Variants in DCP2 observed in about 807,000 individuals in gnomAD.
DCP2 encodes the protein decapping mRNA 2.
Under a neutral mutation model 56.1 loss-of-function variants are expected in DCP2, and 30 were observed. The ratio of observed to expected loss-of-function variants is 0.53; its 90% CI spans 0.40 to 0.73. The LOEUF (loss-of-function observed/expected upper bound fraction) is 0.73. DCP2 is among the 30% of genes least tolerant of loss of function. The pLI is 0.00. For synonymous variants in DCP2, 197 were observed against 163.3 expected, an observed-to-expected ratio of 1.21 and a Z score of -1.57; for missense variants, 533 against 502.7, an observed-to-expected ratio of 1.06 and a Z score of -0.58.
At chr5:113,006,530 C>T (rs557253303) in intron 8 of DCP2, among the ~76,000 whole-genome samples, 1 of 152,328 alleles carries the variant, frequency 6.6e-6, no homozygotes, top group South Asian at 2.1e-4. Flanking sequence ...ATACTTCCTT[C>T]ACATCACTTA....
At position 112,985,832 on chromosome 5, in the gene DCP2, C is replaced by T. The variant is rs1748257313; in HGVS notation, c.54-3C>T. 3 of 1,592,046 alleles carry T rather than the reference C, an allele frequency of 1.9e-6. No homozygotes were observed. The highest frequency in any genetic ancestry group is 2.7e-5 in the African/African-American group (2 of 74,594). The stretch of plus-strand genomic sequence containing the variant: ...ATTTTTGTATGTGTTTTGTTTTTGA[C>T]AGCCGATTTATTTTGCATATTCCCA... On this transcript the variant is annotated splice_region_variant and splice_polypyrimidine_tract_variant and intron_variant, in intron 1 of 10. Transcript: ENST00000389063.
chr5:113,009,648 T>TGAA (rs1276700232), intron 9 of DCP2, among the ~76,000 whole-genome samples: 1 of 144,846 alleles, frequency 6.9e-6, no homozygotes, highest in Non-Finnish European at 1.5e-5. Flanking sequence ...AAACAAATAT[T>TGAA]GAAGAAGATA....
At chr5:112,982,983 A>G (rs1748081621) in intron 1 of DCP2, among the ~76,000 whole-genome samples, 1 of 152,080 alleles carries the variant, frequency 6.6e-6, no homozygotes, top group Non-Finnish European at 1.5e-5. Flanking sequence ...AGGGTTTTTC[A>G]TTTTTTAAAA....
chr5:112,998,827 G>A (rs1033069891), intron 4 of DCP2, among the ~76,000 whole-genome samples: 5 of 152,208 alleles, frequency 3.3e-5, no homozygotes, highest in African/African-American at 1.2e-4. Flanking sequence ...GCTTCTGCAT[G>A]TATGTTTTAA....
chr5:112,977,407 C>T (rs898887262), intron 1 of DCP2, among the ~76,000 whole-genome samples: 1 of 152,170 alleles, frequency 6.6e-6, no homozygotes, highest in Non-Finnish European at 1.5e-5. Context: ...GGAAGACCCC[C>T]AGGGTAGTAA....
chr5:113,004,356 C>G (rs1349155113), intron 8 of DCP2, among the ~76,000 whole-genome samples: 2 of 152,104 alleles, frequency 1.3e-5, no homozygotes, highest in African/African-American at 4.8e-5. Flanking sequence ...AAATATTTTC[C>G]AAATTAACAC....
chr5:112,979,526 A>G lies in DCP2; in HGVS notation c.53+2540A>G, dbSNP rs563818355. On this transcript the variant is annotated intron_variant, in intron 1 of 10. Coordinates refer to ENST00000389063, the MANE Select transcript of DCP2 (RefSeq NM_152624.6). ...GAATTCAAGCTAGGTGCTTGTTTTT[A>G]CTCCCTTCATTTTTTGCCCCAATTC... Among the ~76,000 whole-genome samples the G allele has an allele frequency of 6.6e-5, 10 of 152,054 alleles. No individual in the cohort carries two copies. In the South Asian group the frequency reaches 1.9e-3, roughly 28 times the overall value.
intron 4 of DCP2, among the ~76,000 whole-genome samples, chr5:112,996,395 A>T (rs556105031): frequency 1.3e-5 from 2 of 152,278 alleles, no homozygotes; most frequent in Admixed American, 1.3e-4. Context: ...ACTTAGGCTG[A>T]TGTTTTGAGC....
chr5:113,006,967 G>A (rs922405457), intron 8 of DCP2, among the ~76,000 whole-genome samples: 2 of 151,930 alleles, frequency 1.3e-5, no homozygotes, highest in African/African-American at 4.8e-5. Flanking sequence ...AACCTTCACC[G>A]TCCCTATTAA....
chr5:113,004,823 T>TC (rs1749339109), intron 8 of DCP2, among the ~76,000 whole-genome samples: 1 of 151,856 alleles, frequency 6.6e-6, no homozygotes, highest in African/African-American at 2.4e-5. Flanking sequence ...TTTTTTTTTT[T>TC]ATTTTAAAAA....
chr5:113,002,176 A>G (rs1460442338), intron 7 of DCP2, among the ~76,000 whole-genome samples: 1 of 152,178 alleles, frequency 6.6e-6, no homozygotes, highest in East Asian at 1.9e-4. Context: ...TAATTCCAGC[A>G]CTTTGGGAGG....
intron 7 of DCP2, among the ~76,000 whole-genome samples, chr5:113,003,629 AT>A: frequency 6.6e-6 from 1 of 152,202 alleles, no homozygotes; most frequent in East Asian, 1.9e-4. Context: ...TATAGTCTGC[AT>A]ATTTTTTAAG....
rs1268515303 is a variant in DCP2, at chr5:112,992,240, C to T, written c.325C>T (p.Leu109Phe). ...TGGTGCAATTATTCTTGATGAGACACTTGAAAATGTGAGTGTAATGAAATA... is the reference window on the plus strand; with the variant it reads ...TGGTGCAATTATTCTTGATGAGACATTTGAAAATGTGAGTGTAATGAAATA... ...TYGAIILDET[L>F]ENVLLVQGYL... Residue 109 changes from leucine to phenylalanine, a missense_variant, in exon 3 of 11, where the codon CTT becomes TTT. Leu to Phe is a conservative substitution (Grantham distance 22). Coordinates refer to ENST00000389063, the MANE Select transcript of DCP2 (RefSeq NM_152624.6). 2 of 1,610,090 alleles carry T rather than the reference C, an allele frequency of 1.2e-6. No homozygotes were observed.
At chr5:112,981,525 A>C (rs2150166926) in intron 1 of DCP2, among the ~76,000 whole-genome samples, 1 of 152,244 alleles carries the variant, frequency 6.6e-6, no homozygotes, top group East Asian at 1.9e-4. Flanking sequence ...GTTGATTGTA[A>C]AAGCTGAACA....
intron 1 of DCP2, among the ~76,000 whole-genome samples, chr5:112,982,124 G>C (rs775773659): frequency 1.3e-5 from 2 of 152,084 alleles, no homozygotes; most frequent in Non-Finnish European, 2.9e-5. Flanking sequence ...TTGGCTTTCT[G>C]TTCTAACTTT....
At position 113,008,242 on chromosome 5, in the gene DCP2, G is replaced by A. The variant is rs1428586734; in HGVS notation, c.1047+200G>A. On this transcript the variant is annotated intron_variant, in intron 9 of 10. Coordinates refer to ENST00000389063, the MANE Select transcript of DCP2 (RefSeq NM_152624.6). ...TTAATTACAAATGTATAATGTTGAT[G>A]CAATTGTACATCTAATTTTTTATGT... 9.1e-6 allele frequency: 4 copies of A among 440,152 alleles called. No homozygotes were observed. The South Asian group carries it at 2.7e-4, about 29-fold the overall frequency. 27.3% of individuals were successfully genotyped at this position (440,152 alleles called of 1,614,324 possible).
chr5:113,003,111 C>T (rs182472856), intron 7 of DCP2, among the ~76,000 whole-genome samples: 157 of 152,018 alleles, frequency 1.0e-3, no homozygotes, highest in African/African-American at 3.6e-3. Flanking sequence ...GGAGCTTGGA[C>T]TAAATGCCCT....
At chr5:113,010,056 A>T (rs1233352887) in intron 9 of DCP2, among the ~76,000 whole-genome samples, 1 of 142,114 alleles carries the variant, frequency 7.0e-6, no homozygotes, top group Non-Finnish European at 1.5e-5. Context: ...TTTTTGAGAC[A>T]GGGTTTTGCT....
chr5:113,009,338 G>A (rs1321019691), intron 9 of DCP2, among the ~76,000 whole-genome samples: 1 of 152,202 alleles, frequency 6.6e-6, no homozygotes, highest in African/African-American at 2.4e-5. Flanking sequence ...CAGAGAGCAA[G>A]TATATGAGCA....
Sources: allele counts gnomAD v4.1 joint callset (sites outside exome capture counted in the v4.1 genomes callset), GRCh38; gene constraint gnomAD v4.1.1; transcripts MANE v1.5; gene names NCBI Gene and HGNC (gene_info 2026-07-23, HGNC 2026-07-21).